CLINT1: variants seen among roughly 807,000 people sequenced by gnomAD.
The protein encoded by CLINT1 is clathrin interactor 1.
CLINT1 carries 15 observed loss-of-function variants against 70.4 expected under a neutral mutation model. The observed-to-expected ratio is 0.21, with a 90% CI of 0.14 to 0.33. CLINT1 has a LOEUF of 0.33. Ranked by LOEUF, CLINT1 falls within the 10% of genes least tolerant of loss-of-function variation. The pLI is 1.00. For synonymous variants in CLINT1, 227 were observed against 254.7 expected (o/e 0.89, Z 1.04); for missense variants, 615 against 778.1 (o/e 0.79, Z 2.49).
chr5:157,850,456 A>G (rs570938198), intron 1 of CLINT1, among the ~76,000 whole-genome samples: 234 of 151,800 alleles, frequency 1.5e-3, no homozygotes, highest in Non-Finnish European at 2.8e-3. Flanking sequence ...CTATCTCTAC[A>G]AAAAATTAGC....
intron 9 of CLINT1, 98 bp from the exon 10 acceptor site, chr5:157,792,093 C>A: frequency 6.9e-6 from 7 of 1,007,992 alleles, no homozygotes; most frequent in Non-Finnish European, 1.0e-5. Flanking sequence ...TGATCTGAGT[C>A]CCCCAGATTA....
intron 1 of CLINT1, among the ~76,000 whole-genome samples, chr5:157,835,312 G>A (rs923884338): frequency 6.6e-6 from 1 of 152,060 alleles, no homozygotes; most frequent in Non-Finnish European, 1.5e-5. Flanking sequence ...TGAGTTCAAT[G>A]TTAATAAATC....
At chr5:157,836,562 A>T (rs1349587814) in intron 1 of CLINT1, among the ~76,000 whole-genome samples, 1 of 152,158 alleles carries the variant, frequency 6.6e-6, no homozygotes, top group East Asian at 1.9e-4. Flanking sequence ...TCCCTTATCA[A>T]AATTCCTCAT....
At chr5:157,826,340 A>G (rs1300918022) in intron 1 of CLINT1, among the ~76,000 whole-genome samples, 1 of 152,172 alleles carries the variant, frequency 6.6e-6, no homozygotes, top group East Asian at 1.9e-4. Context: ...ATAGCAGAAC[A>G]CTTCATAAAT....
chr5:157,829,703 T>C (rs1026263698), intron 1 of CLINT1, among the ~76,000 whole-genome samples: 2 of 149,394 alleles, frequency 1.3e-5, no homozygotes, highest in African/African-American at 4.9e-5. Context: ...TTTTTTTTTT[T>C]TTTTTTTTTT....
At chr5:157,835,394 A>C (rs1763383480) in intron 1 of CLINT1, among the ~76,000 whole-genome samples, 1 of 152,218 alleles carries the variant, frequency 6.6e-6, no homozygotes, top group African/African-American at 2.4e-5. Context: ...TGACGTACTG[A>C]CTGGCTAAAG....
rs368414541 is a variant in CLINT1 at position 157,846,520 on chromosome 5, G to A, written c.41+12410C>T. Reference sequence around the variant, plus strand: ...TTTATGAGGTTTAAGAAAAGAAGCCGCCTCCATAAGAGAAAAATTTAAGGT... The same window carrying A: ...TTTATGAGGTTTAAGAAAAGAAGCCACCTCCATAAGAGAAAAATTTAAGGT... On this transcript the variant is annotated intron_variant, in intron 1 of 11. Coordinates refer to ENST00000411809, the MANE Select transcript of CLINT1 (RefSeq NM_014666.4). 9.2e-5 allele frequency among the ~76,000 whole-genome samples: 14 copies of A among 152,174 alleles called. No homozygotes were observed. In the East Asian group the frequency reaches 9.6e-4, roughly 10 times the overall value.
At chr5:157,800,401 A>G (rs1198259304) in intron 8 of CLINT1, among the ~76,000 whole-genome samples, 1 of 152,170 alleles carries the variant, frequency 6.6e-6, no homozygotes, top group Non-Finnish European at 1.5e-5. Context: ...GACATACCAA[A>G]TAGCAATGTT....
At chr5:157,850,612 C>CAAAAAA (rs67243040) in intron 1 of CLINT1, among the ~76,000 whole-genome samples, 4 of 60,368 alleles carry the variant, frequency 6.6e-5, no homozygotes, top group African/African-American at 1.4e-4. Context: ...GACCCTGTCT[C>CAAAAAA]AAAAAAAAAA....
intron 1 of CLINT1, among the ~76,000 whole-genome samples, chr5:157,853,786 A>AG (rs1227388239): frequency 6.6e-6 from 1 of 150,718 alleles, no homozygotes; most frequent in Non-Finnish European, 1.5e-5. Flanking sequence ...TCAAAAAAAA[A>AG]AAAAAAAAAA....
chr5:157,812,009 G>A (rs1186931019), intron 5 of CLINT1, among the ~76,000 whole-genome samples: 2 of 149,982 alleles, frequency 1.3e-5, no homozygotes, highest in African/African-American at 5.0e-5. Flanking sequence ...CACTGCCTAT[G>A]AGTTAGCCCT....
chr5:157,790,894 T>C (rs796960968), intron 10 of CLINT1, among the ~76,000 whole-genome samples: 25 of 152,334 alleles, frequency 1.6e-4, no homozygotes, highest in African/African-American at 5.5e-4. Flanking sequence ...ATTTATATAA[T>C]GTAGAGCAGG....
intron 11 of CLINT1, among the ~76,000 whole-genome samples, chr5:157,788,695 C>T (rs996322299): frequency 1.3e-5 from 2 of 152,092 alleles, no homozygotes; most frequent in Admixed American, 6.5e-5. Context: ...TGGCCAGGCG[C>T]GGTGCCCCAC....
chr5:157,787,487 G>A lies in CLINT1; in HGVS notation c.*159C>T. On this transcript the variant is annotated 3_prime_UTR_variant, in exon 12 of 12. Coordinates refer to ENST00000411809, the MANE Select transcript of CLINT1 (RefSeq NM_014666.4). ...CTCTTGCCTGGCCCTCTGAAATACT[G>A]GATATTTCACTTTTATAAAACAGCC... 1.5e-6 allele frequency: 1 copy of A among 673,874 alleles called. No homozygotes were observed. The highest frequency in any genetic ancestry group is 2.7e-5 in the East Asian group (1 of 37,120). 41.7% of individuals were successfully genotyped at this position (673,874 alleles called of 1,614,324 possible). A position where few individuals can be genotyped will look rare whatever the true frequency, so the allele number is the denominator to read the frequency against.
intron 1 of CLINT1, among the ~76,000 whole-genome samples, chr5:157,844,086 G>T (rs1233041241): frequency 6.6e-6 from 1 of 151,910 alleles, no homozygotes; most frequent in East Asian, 1.9e-4. Context: ...AATTAAGTAG[G>T]CTATAGTTTT....
intron 6 of CLINT1, among the ~76,000 whole-genome samples, chr5:157,808,058 T>C (rs903281246): frequency 6.6e-6 from 1 of 152,114 alleles, no homozygotes; most frequent in Non-Finnish European, 1.5e-5. Context: ...AGTATATATC[T>C]AGCTTTTTTA....
intron 1 of CLINT1, among the ~76,000 whole-genome samples, chr5:157,858,720 G>A (rs6894904): frequency 0.44 from 67,141 of 151,998 alleles, 15,320 homozygotes; most frequent in Non-Finnish European, 0.49. Context: ...GTGGCCAAGA[G>A]GATGTTTTTT....
At chr5:157,841,727 TCTC>T (rs1753185413) in intron 1 of CLINT1, among the ~76,000 whole-genome samples, 1 of 152,200 alleles carries the variant, frequency 6.6e-6, no homozygotes, top group East Asian at 1.9e-4. Context: ...CTCAAGCAAT[TCTC>T]CTGCCTCAGC....
At chr5:157,856,823 T>C (rs1286998635) in intron 1 of CLINT1, among the ~76,000 whole-genome samples, 1 of 152,166 alleles carries the variant, frequency 6.6e-6, no homozygotes, top group African/African-American at 2.4e-5. Context: ...CTAAATTGGG[T>C]AGTAAAAAGA....
Sources: allele counts gnomAD v4.1 joint callset (sites outside exome capture counted in the v4.1 genomes callset), GRCh38; gene constraint gnomAD v4.1.1; transcripts MANE v1.5; gene names NCBI Gene and HGNC (gene_info 2026-07-23, HGNC 2026-07-21).